The following PCDHA1 variants were observed in gnomAD, a reference collection of about 807,000 sequenced individuals.
The protein encoded by PCDHA1 is protocadherin alpha-1.
PCDHA1 carries 42 observed loss-of-function variants against 61.3 expected under a neutral mutation model. The ratio of observed to expected loss-of-function variants is 0.69; its 90% CI spans 0.54 to 0.89. The LOEUF is 0.89. Ranked by LOEUF, PCDHA1 falls within the 40% of genes least tolerant of loss-of-function variation. The pLI, the probability that PCDHA1 is intolerant of heterozygous loss-of-function variation, is 0.00. For synonymous variants in PCDHA1, 610 were observed against 553.8 expected (o/e 1.10, Z -1.43); for missense variants, 1,256 against 1,235.3 (o/e 1.02, Z -0.25).
chr5:140,884,295 C>T, intron 1 of PCDHA1: 3 of 1,613,680 alleles, frequency 1.9e-6, no homozygotes, highest in South Asian at 2.2e-5. Context: ...GGCCAAGCGC[C>T]ACAGGCTTCG....
chr5:140,962,369 AT>A (rs1181838799), intron 1 of PCDHA1, among the ~76,000 whole-genome samples: 1 of 152,154 alleles, frequency 6.6e-6, no homozygotes, highest in Admixed American at 6.5e-5. Flanking sequence ...GGCTAGTTTG[AT>A]TTTATCTGTT....
Position 140,980,544 on chromosome 5 carries a change from C to T in PCDHA1, c.2453+1537C>T, listed in dbSNP as rs111386744. 4.0e-3 allele frequency among the ~76,000 whole-genome samples: 611 copies of T among 152,160 alleles called. 1 individual carries two copies. The highest frequency in any genetic ancestry group is 0.013 in the African/African-American group (560 of 41,516). On this transcript the variant is annotated intron_variant, in intron 2 of 3. Coordinates refer to ENST00000504120, the MANE Select transcript of PCDHA1 (RefSeq NM_018900.4). ...ACTAGGGAGGCTGAGGCAGGAGAAT[C>T]GCTTGAACCCGGGAGGCGGAAGTTG...
chr5:140,956,259 A>G (rs534711265), intron 1 of PCDHA1, among the ~76,000 whole-genome samples: 1 of 152,252 alleles, frequency 6.6e-6, no homozygotes, highest in African/African-American at 2.4e-5. Flanking sequence ...GGTTTTGCCC[A>G]TTCAGTGTGG....
rs2150111349 is a variant in PCDHA1, at chr5:140,821,865, C to T, written c.2394+33181C>T. On this transcript the variant is annotated intron_variant, in intron 1 of 3. Coordinates refer to ENST00000504120, the MANE Select transcript of PCDHA1 (RefSeq NM_018900.4). ...ACTGGAAGGCAGGGAGCGGCCAGCT[C>T]CACTACTCGATCCCGGAGGAAGCCA... 5.6e-6 allele frequency: 9 copies of T among 1,614,214 alleles called. No homozygotes were observed. The South Asian group carries it at 8.8e-5, about 16-fold the overall frequency.
chr5:140,870,748 A>G lies in PCDHA1; in HGVS notation c.2394+82064A>G, dbSNP rs782462608. ...CGTGCCGCCTCTGAGCAGCAACGTG[A>G]CGCTGCAGGTGTTCGTGCTGGACGA... On this transcript the variant is annotated intron_variant, in intron 1 of 3. Transcript: ENST00000504120. The G allele has an allele frequency of 1.9e-6, 3 of 1,613,510 alleles. No individual in the cohort carries two copies. In the South Asian group the frequency reaches 3.3e-5, roughly 18 times the overall value.
In PCDHA1 at chr5:140,855,796, A is replaced by G. The variant is rs140328724; in HGVS notation, c.2394+67112A>G. 580 of 464,912 alleles carry G rather than the reference A, an allele frequency of 1.2e-3. 24 individuals carry two copies. The highest frequency in any genetic ancestry group is 0.011 in the African/African-American group (538 of 50,868). 28.8% of individuals were successfully genotyped at this position (464,912 alleles called of 1,614,324 possible). On this transcript the variant is annotated intron_variant, in intron 1 of 3. Transcript: ENST00000504120. ...AAATACGTAAAAAAAGAATTAACAT[A>G]TGAATGAAAGAAAAGTTGTGAACTC...
At chr5:140,931,373 C>T (rs1290408788) in intron 1 of PCDHA1, among the ~76,000 whole-genome samples, 1 of 151,646 alleles carries the variant, frequency 6.6e-6, no homozygotes, top group Non-Finnish European at 1.5e-5. Context: ...TTTCACTAGA[C>T]TAGAAAGGAA....
intron 1 of PCDHA1, among the ~76,000 whole-genome samples, chr5:140,913,995 A>T (rs541070374): frequency 6.6e-6 from 1 of 152,288 alleles, no homozygotes; most frequent in Admixed American, 6.5e-5. Context: ...TGTGACTAGC[A>T]TATGGTCTAT....
intron 1 of PCDHA1, among the ~76,000 whole-genome samples, chr5:140,977,739 T>C (rs1198089748): frequency 1.3e-5 from 2 of 152,206 alleles, no homozygotes; most frequent in South Asian, 2.1e-4. Context: ...CTGGGTGTTA[T>C]GAAGAAATGT....
At chr5:140,869,316 T>A in intron 1 of PCDHA1, 1 of 1,613,748 alleles carries the variant, frequency 6.2e-7, no homozygotes, top group Non-Finnish European at 8.5e-7. Context: ...CCAAAACACA[T>A]GGGGACCTTC....
chr5:140,906,585 C>T (rs782305409), intron 1 of PCDHA1, among the ~76,000 whole-genome samples: 1 of 152,208 alleles, frequency 6.6e-6, no homozygotes, highest in Non-Finnish European at 1.5e-5. Context: ...TTGATGACTA[C>T]CTTCCTCTAC....
chr5:140,805,907 T>C (rs1763650947), intron 1 of PCDHA1, among the ~76,000 whole-genome samples: 1 of 152,192 alleles, frequency 6.6e-6, no homozygotes, highest in South Asian at 2.1e-4. Flanking sequence ...TTCTGCAGGG[T>C]AAATATTTAG....
At chr5:140,896,960 T>C (rs1242760287) in intron 1 of PCDHA1, among the ~76,000 whole-genome samples, 1 of 152,234 alleles carries the variant, frequency 6.6e-6, no homozygotes, top group Non-Finnish European at 1.5e-5. Context: ...CTTAAACATT[T>C]ATTCTTTGCA....
chr5:140,793,150 GT>G (rs1554118871), intron 1 of PCDHA1, among the ~76,000 whole-genome samples: 1 of 152,204 alleles, frequency 6.6e-6, no homozygotes, highest in African/African-American at 2.4e-5. Flanking sequence ...CATCAAACTG[GT>G]AATTTTTAGT....
chr5:140,795,710 TA>T (rs782456180), intron 1 of PCDHA1: 46 of 1,613,922 alleles, frequency 2.9e-5, no homozygotes, highest in Non-Finnish European at 3.8e-5. Flanking sequence ...GTTTACAAAG[TA>T]AAATTGTTAG....
chr5:140,849,616 T>C (rs2150442441), intron 1 of PCDHA1: 3 of 1,598,578 alleles, frequency 1.9e-6, no homozygotes, highest in African/African-American at 2.7e-5. Flanking sequence ...CTGATTAGTG[T>C]GATCGACCTA....
At chr5:140,852,972 G>T (rs530736735) in intron 1 of PCDHA1, 1 of 376,636 alleles carries the variant, frequency 2.7e-6, no homozygotes, top group Non-Finnish European at 3.8e-6. Context: ...TCCCCCTCCC[G>T]TGTTCACGCC....
In PCDHA1 at chr5:140,869,539, A is replaced by G. The variant is rs782023058; in HGVS notation, c.2394+80855A>G. The G allele has an allele frequency of 2.5e-6, 4 of 1,614,088 alleles. No homozygotes were observed. The South Asian group carries it at 3.3e-5, about 13-fold the overall frequency. On this transcript the variant is annotated intron_variant, in intron 1 of 3. Coordinates refer to ENST00000504120, the MANE Select transcript of PCDHA1 (RefSeq NM_018900.4). ...ACAAAAGCTGCTGATTGCGGAATCT[A>G]AGCAATCGGACTCGCGTTTTCCACT...
At position 140,801,964 on chromosome 5, in the gene PCDHA1, C is replaced by G. The variant is rs145878786; in HGVS notation, c.2394+13280C>G. 3.7e-6 allele frequency: 6 copies of G among 1,614,034 alleles called. No homozygotes were observed. In the African/African-American group the frequency reaches 8.0e-5, roughly 22 times the overall value. The stretch of plus-strand genomic sequence containing the variant: ...AAAGTCAGATTACTCGAAAATGCAC[C>G]AAATGGTACCCTAGTGGTGACCGTT... On this transcript the variant is annotated intron_variant, in intron 1 of 3. Transcript: ENST00000504120.
Sources: allele counts gnomAD v4.1 joint callset (sites outside exome capture counted in the v4.1 genomes callset), GRCh38; gene constraint gnomAD v4.1.1; transcripts MANE v1.5; gene names NCBI Gene and HGNC (gene_info 2026-07-23, HGNC 2026-07-21).